PLPP1: variants seen among roughly 807,000 people sequenced by gnomAD.
PLPP1 encodes the protein lipid phosphate phosphohydrolase 1a.
Under a neutral mutation model 31.2 loss-of-function variants are expected in PLPP1, and 24 were observed. That is an observed-to-expected ratio of 0.77 (90% CI 0.56 to 1.08). The LOEUF (loss-of-function observed/expected upper bound fraction) is 1.08. Among genes scored for constraint, PLPP1 ranks in the 50% least tolerant of loss-of-function variants. The probability of loss-of-function intolerance (pLI) is 0.00; values close to 1 mark genes in which losing one functional copy is unlikely to be tolerated. For missense variants in PLPP1, 319 were observed against 342.7 expected (o/e 0.93, Z 0.55); for synonymous variants, 146 against 126.3 (o/e 1.16, Z -1.05).
At chr5:55,457,243 C>T (rs1185173744) in intron 3 of PLPP1, among the ~76,000 whole-genome samples, 1 of 151,604 alleles carries the variant, frequency 6.6e-6, no homozygotes, top group Non-Finnish European at 1.5e-5. Flanking sequence ...AAAATTAATT[C>T]TGCTTTTAAA....
chr5:55,487,274 A>G (rs1752794025), intron 1 of PLPP1, among the ~76,000 whole-genome samples: 1 of 152,118 alleles, frequency 6.6e-6, no homozygotes, highest in Non-Finnish European at 1.5e-5. Context: ...TTACTCTGAA[A>G]GTTTGTACAT....
rs1045443300 is a variant in PLPP1 at position 55,425,993 on chromosome 5, C to T, written c.596G>A (p.Arg199His). Residue 199 changes from arginine to histidine, a missense_variant, in exon 5 of 6, where the codon CGC becomes CAC. Coordinates refer to ENST00000307259, the MANE Select transcript of PLPP1 (RefSeq NM_003711.4). ...AACAAGACCAAATTGCAGTGTGGGGCGTAAGAGTCTTGCCCAGTCTCCCTT... is the reference window on the plus strand; with the variant it reads ...AACAAGACCAAATTGCAGTGTGGGGTGTAAGAGTCTTGCCCAGTCTCCCTT... ...RMKGDWARLL[R>H]PTLQFGLVAV... 3 of 1,612,686 alleles carry T rather than the reference C, an allele frequency of 1.9e-6. No individual in the cohort carries two copies. Among genetic ancestry groups the T allele is most frequent in the Non-Finnish European group, 2.5e-6 (3 of 1,179,600 alleles).
intron 1 of PLPP1, among the ~76,000 whole-genome samples, chr5:55,521,872 G>A (rs1431811549): frequency 1.3e-5 from 2 of 152,100 alleles, no homozygotes; most frequent in Non-Finnish European, 2.9e-5. Flanking sequence ...TTTACCAAAC[G>A]CATATACTAG....
intron 3 of PLPP1, among the ~76,000 whole-genome samples, chr5:55,463,701 C>A (rs948431588): frequency 1.3e-5 from 2 of 151,524 alleles, no homozygotes; most frequent in Non-Finnish European, 2.9e-5. Context: ...AGCACTTTGA[C>A]TTTGGAAGGC....
chr5:55,484,316 TCTC>T (rs1752731825), intron 1 of PLPP1: 1 of 151,988 alleles, frequency 6.6e-6, no homozygotes, highest in African/African-American at 2.4e-5. Flanking sequence ...TCCACCCCCT[TCTC>T]CTTGTTGTAG....
chr5:55,434,574 A>C (rs999069389), intron 4 of PLPP1, among the ~76,000 whole-genome samples: 9 of 152,230 alleles, frequency 5.9e-5, no homozygotes, highest in Admixed American at 3.3e-4. Flanking sequence ...TGGTATAAAA[A>C]CAGACTCGTC....
At chr5:55,513,723 T>C (rs1753493306) in intron 1 of PLPP1, among the ~76,000 whole-genome samples, 1 of 152,182 alleles carries the variant, frequency 6.6e-6, no homozygotes, top group Non-Finnish European at 1.5e-5. Flanking sequence ...GAGGATCTCC[T>C]GAGCCCAGCC....
chr5:55,466,850 T>C (rs1162301632), intron 3 of PLPP1, among the ~76,000 whole-genome samples: 2 of 152,184 alleles, frequency 1.3e-5, no homozygotes, highest in Admixed American at 1.3e-4. Context: ...CCCAAGAAAG[T>C]ATTTGTACTT....
intron 3 of PLPP1, among the ~76,000 whole-genome samples, chr5:55,451,978 G>C (rs1250998490): frequency 1.3e-5 from 2 of 152,062 alleles, no homozygotes; most frequent in Non-Finnish European, 2.9e-5. Flanking sequence ...TTAAAGAGTG[G>C]AAAGCTGAAT....
intron 1 of PLPP1, among the ~76,000 whole-genome samples, chr5:55,505,277 T>C (rs1295258062): frequency 6.6e-6 from 1 of 152,118 alleles, no homozygotes; most frequent in Admixed American, 6.6e-5. Context: ...TTGGCAATTG[T>C]GTATTTCCCA....
intron 1 of PLPP1, among the ~76,000 whole-genome samples, chr5:55,495,333 T>C (rs1418010603): frequency 1.3e-5 from 2 of 151,570 alleles, no homozygotes; most frequent in Admixed American, 6.6e-5. Context: ...AGAGAAAACA[T>C]GAAAAGAGGC....
At chr5:55,427,960 T>C (rs1751250981) in intron 4 of PLPP1, among the ~76,000 whole-genome samples, 1 of 152,114 alleles carries the variant, frequency 6.6e-6, no homozygotes, top group Non-Finnish European at 1.5e-5. Flanking sequence ...TAATTGTCTG[T>C]ATTTTTAGTA....
chr5:55,453,162 T>A (rs1751929812), intron 3 of PLPP1, among the ~76,000 whole-genome samples: 1 of 152,224 alleles, frequency 6.6e-6, no homozygotes, highest in Non-Finnish European at 1.5e-5. Context: ...CCCACATGCA[T>A]CGAGTATCAG....
chr5:55,466,531 C>T (rs2111783763), intron 3 of PLPP1, among the ~76,000 whole-genome samples: 1 of 152,010 alleles, frequency 6.6e-6, no homozygotes, highest in East Asian at 1.9e-4. Context: ...GGTAAAACCC[C>T]GTCTCTACTA....
intron 3 of PLPP1, among the ~76,000 whole-genome samples, chr5:55,463,958 T>A (rs1173316822): frequency 6.6e-6 from 1 of 151,880 alleles, no homozygotes; most frequent in African/African-American, 2.4e-5. Context: ...AATTTTTTTT[T>A]AATGGGTAAA....
chr5:55,517,249 T>C (rs1753572183), intron 1 of PLPP1, among the ~76,000 whole-genome samples: 1 of 152,188 alleles, frequency 6.6e-6, no homozygotes, highest in African/African-American at 2.4e-5. Flanking sequence ...AGTATAGTGG[T>C]GCAATCACAG....
chr5:55,426,200 T>C (rs995552463), intron 4 of PLPP1, among the ~76,000 whole-genome samples, 161 bp from the exon 5 acceptor site: 11 of 152,314 alleles, frequency 7.2e-5, no homozygotes, highest in African/African-American at 2.6e-4. Flanking sequence ...TAAATGTTAA[T>C]CCTTTAAAGA....
At chr5:55,534,245 A>T (rs1222857943) in intron 1 of PLPP1, among the ~76,000 whole-genome samples, 1 of 152,080 alleles carries the variant, frequency 6.6e-6, no homozygotes, top group South Asian at 2.1e-4. Flanking sequence ...AGGCTCCTCT[A>T]CCGTACAGAG....
At chr5:55,434,967 T>C (rs1751458877) in intron 4 of PLPP1, among the ~76,000 whole-genome samples, 1 of 152,140 alleles carries the variant, frequency 6.6e-6, no homozygotes, top group South Asian at 2.1e-4. Flanking sequence ...AGACAGTCTG[T>C]TGAATGGGAG....
Sources: allele counts gnomAD v4.1 joint callset (sites outside exome capture counted in the v4.1 genomes callset), GRCh38; gene constraint gnomAD v4.1.1; transcripts MANE v1.5; gene names NCBI Gene and HGNC (gene_info 2026-07-23, HGNC 2026-07-21).